The following COA5 variants were observed in gnomAD, a reference collection of about 807,000 sequenced individuals.
The protein encoded by COA5 is protein C2orf64.
A neutral mutation model predicts 11.8 loss-of-function variants in COA5; 11 were observed. That is an observed-to-expected ratio of 0.93 (90% CI 0.59 to 1.54). The LOEUF is 1.54. Ranked by LOEUF, COA5 falls within the 40% of genes most tolerant of loss-of-function variation. The pLI is 0.00. For missense variants in COA5, 87 were observed against 89.2 expected (o/e 0.97, Z 0.10); for synonymous variants, 38 against 37.5 (o/e 1.01, Z -0.05).
chr2:98,608,510 G>T lies in COA5; in HGVS notation c.-105C>A. ...CAGTCTCAGGGGACCGGAAGCCAGC[G>T]GCAACAACTTCCGGCGGGCCGCGGC... On this transcript the variant is annotated 5_prime_UTR_variant, in exon 1 of 3. Transcript: ENST00000328709. The T allele has an allele frequency of 4.5e-6, 4 of 895,788 alleles. No individual in the cohort carries two copies. The highest frequency in any genetic ancestry group is 2.0e-5 in the Admixed American group (1 of 50,122). The allele number at this position is 895,788 out of a possible 1,614,324, so 55.5% of individuals were successfully genotyped here. A position where few individuals can be genotyped will look rare whatever the true frequency, so the allele number is the denominator to read the frequency against.
chr2:98,603,421 C>A (rs1042745711), intron 2 of COA5, among the ~76,000 whole-genome samples: 3 of 152,058 alleles, frequency 2.0e-5, no homozygotes, highest in African/African-American at 7.2e-5. Flanking sequence ...GCAGAGGTTG[C>A]AGTGATCTGA....
At chr2:98,601,158 T>C (rs775464386) in intron 2 of COA5, among the ~76,000 whole-genome samples, 5 of 151,828 alleles carry the variant, frequency 3.3e-5, no homozygotes, top group Non-Finnish European at 5.9e-5. Flanking sequence ...GGCGGGAGAA[T>C]TGCTCGAACC....
chr2:98,607,376 G>C (rs1447555218), intron 1 of COA5, among the ~76,000 whole-genome samples: 2 of 152,200 alleles, frequency 1.3e-5, no homozygotes, highest in Non-Finnish European at 2.9e-5. Flanking sequence ...AGTTGGGCGA[G>C]ATAATCTCTT....
chr2:98,604,462 A>T (rs1232452082), intron 1 of COA5: 2 of 399,788 alleles, frequency 5.0e-6, no homozygotes, highest in Non-Finnish European at 4.6e-6. Flanking sequence ...TTATATAAAA[A>T]TCTAGAAAGG....
intron 1 of COA5, among the ~76,000 whole-genome samples, chr2:98,607,915 G>T (rs1700731771): frequency 6.6e-6 from 1 of 152,208 alleles, no homozygotes; most frequent in Non-Finnish European, 1.5e-5. Context: ...AGACACTACT[G>T]GCCAGGGCAG....
chr2:98,606,031 C>CT (rs1421634087), intron 1 of COA5, among the ~76,000 whole-genome samples: 1 of 152,168 alleles, frequency 6.6e-6, no homozygotes, highest in East Asian at 1.9e-4. Context: ...AAAGCAGCAC[C>CT]TAGAACTAAA....
At chr2:98,602,261 T>C (rs543955618) in intron 2 of COA5, 66 of 152,312 alleles carry the variant, frequency 4.3e-4, no homozygotes, top group African/African-American at 1.5e-3. Context: ...TATTTCTGGG[T>C]TTTTTGCCAA....
At chr2:98,604,085 T>C (rs1412596778) in intron 2 of COA5, 23 bp downstream of exon 2, 11 of 1,579,848 alleles carry the variant, frequency 7.0e-6, no homozygotes, top group Non-Finnish European at 9.6e-6. Context: ...AGCATAGGCT[T>C]TTAAAAATCT....
At chr2:98,603,497 C>CA (rs376778762) in intron 2 of COA5, among the ~76,000 whole-genome samples, 282 of 146,946 alleles carry the variant, frequency 1.9e-3, no homozygotes, top group African/African-American at 5.6e-3. Flanking sequence ...AAACAAAAAA[C>CA]AAAAAAAAAA....
At chr2:98,607,050 T>A (rs1700716471) in intron 1 of COA5, among the ~76,000 whole-genome samples, 1 of 152,218 alleles carries the variant, frequency 6.6e-6, no homozygotes, top group Non-Finnish European at 1.5e-5. Flanking sequence ...AATCAGACGC[T>A]CTCCCTTGGG....
intron 1 of COA5, among the ~76,000 whole-genome samples, chr2:98,605,411 G>A (rs2106593648): frequency 6.6e-6 from 1 of 152,306 alleles, no homozygotes; most frequent in African/African-American, 2.4e-5. Context: ...GAATATGAGA[G>A]TAACACCCTA....
intron 1 of COA5, among the ~76,000 whole-genome samples, chr2:98,606,714 A>G (rs1054542741): frequency 1.3e-5 from 2 of 152,066 alleles, no homozygotes; most frequent in Non-Finnish European, 2.9e-5. Context: ...CCTCAGTCCT[A>G]CTCAGTGTAC....
At position 98,600,510 on chromosome 2, in the gene COA5, T is replaced by C; in HGVS notation, c.*242A>G. On this transcript the variant is annotated 3_prime_UTR_variant, in exon 3 of 3. Transcript: ENST00000328709. Reference sequence around the variant, plus strand: ...TAGAACAATTCTCAAAACACATTTATTATGCTCCCAACCCATACCTGTTCA... The same window carrying C: ...TAGAACAATTCTCAAAACACATTTACTATGCTCCCAACCCATACCTGTTCA... 1 of 537,328 alleles carries C rather than the reference T, an allele frequency of 1.9e-6. No homozygotes were observed. Among genetic ancestry groups the C allele is most frequent in the Non-Finnish European group, 3.4e-6 (1 of 297,988 alleles). The allele number at this position is 537,328 out of a possible 1,614,324, so 33.3% of individuals were successfully genotyped here.
chr2:98,603,289 G>A (rs1465514571), intron 2 of COA5, among the ~76,000 whole-genome samples: 1 of 152,098 alleles, frequency 6.6e-6, no homozygotes, highest in East Asian at 1.9e-4. Context: ...GACCAGCCTG[G>A]CCAACATGGT....
At chr2:98,601,797 G>A (rs1700644707) in intron 2 of COA5, among the ~76,000 whole-genome samples, 1 of 152,146 alleles carries the variant, frequency 6.6e-6, no homozygotes. Context: ...AGAGTCTCAG[G>A]AGCATGAACC....
chr2:98,599,447 TTATA>T lies in COA5; in HGVS notation c.*1301_*1304del, dbSNP rs765468299. 2.0e-5 allele frequency: 3 copies of T among 151,874 alleles called. No individual in the cohort carries two copies. The South Asian group carries it at 6.2e-4, about 32-fold the overall frequency. 9.4% of individuals were successfully genotyped at this position (151,874 alleles called of 1,614,324 possible). ...TTTTATTAATAAAAAGTTAGATCAC[TTATA>T]TATATATACATTGAAAAAAACTATT... On this transcript the variant is annotated 3_prime_UTR_variant, in exon 3 of 3. Transcript: ENST00000328709.
intron 1 of COA5, chr2:98,604,409 C>A: frequency 3.7e-6 from 2 of 533,876 alleles, no homozygotes; most frequent in East Asian, 3.3e-5. Flanking sequence ...CTGTTGAATT[C>A]TTGAAAACAC....
In COA5 at chr2:98,599,941, C is replaced by T. The variant is rs1306857708; in HGVS notation, c.*811G>A. The T allele has an allele frequency of 6.6e-6, 1 of 152,382 alleles. No individual in the cohort carries two copies. The highest frequency in any genetic ancestry group is 2.4e-5 in the African/African-American group (1 of 41,468). 9.4% of individuals were successfully genotyped at this position (152,382 alleles called of 1,614,324 possible). On this transcript the variant is annotated 3_prime_UTR_variant, in exon 3 of 3. Coordinates refer to ENST00000328709, the MANE Select transcript of COA5 (RefSeq NM_001008215.3). ...CCTGGCCAAGATCACAGGCCCCCAT[C>T]CCCTCTTCCACAGGGACTGGTCCAA...
At chr2:98,607,681 A>T (rs140447225) in intron 1 of COA5, among the ~76,000 whole-genome samples, 335 of 152,332 alleles carry the variant, frequency 2.2e-3, no homozygotes, top group African/African-American at 7.4e-3. Context: ...TGTGAACCTC[A>T]CTACATGTTT....
Sources: allele counts gnomAD v4.1 joint callset (sites outside exome capture counted in the v4.1 genomes callset), GRCh38; gene constraint gnomAD v4.1.1; transcripts MANE v1.5; gene names NCBI Gene and HGNC (gene_info 2026-07-23, HGNC 2026-07-21).